The following STK24 variants were observed in gnomAD, a reference collection of about 807,000 sequenced individuals.
STK24 encodes the protein serine/threonine-protein kinase 24.
STK24 carries 21 observed loss-of-function variants against 55.6 expected under a neutral mutation model. That is an observed-to-expected ratio of 0.38 (90% confidence interval 0.27 to 0.54). The LOEUF (loss-of-function observed/expected upper bound fraction) is 0.54, where lower values mean the gene tolerates loss of function less well. Ranked by LOEUF, STK24 falls within the 20% of genes least tolerant of loss-of-function variation. The pLI is 0.79. For missense variants in STK24, 383 were observed against 538.4 expected (o/e 0.71, Z 2.86); for synonymous variants, 200 against 215.2 (o/e 0.93, Z 0.62).
At chr13:98,462,379 G>A (rs543415745) in intron 7 of STK24, among the ~76,000 whole-genome samples, 1 of 152,158 alleles carries the variant, frequency 6.6e-6, no homozygotes, top group East Asian at 1.9e-4. Flanking sequence ...TCGCTCCAAA[G>A]CCCACCCGTG....
intron 1 of STK24, among the ~76,000 whole-genome samples, chr13:98,550,308 G>C (rs917933403): frequency 2.0e-5 from 3 of 152,208 alleles, no homozygotes; most frequent in Non-Finnish European, 2.9e-5. Context: ...GGAGGTCAAG[G>C]GGGGAAGATC....
At chr13:98,453,496 C>T (rs79507189) in intron 10 of STK24, 7,777 of 380,404 alleles carry the variant, frequency 0.02, 116 homozygotes, top group Non-Finnish European at 0.028. Context: ...CTTTTACTTA[C>T]GATCAATTGT....
At chr13:98,539,914 G>A (rs145467896) in intron 1 of STK24, among the ~76,000 whole-genome samples, 2,488 of 152,240 alleles carry the variant, frequency 0.016, 38 homozygotes, top group South Asian at 0.081. Context: ...CACACACACA[G>A]ATGTTCACAG....
intron 1 of STK24, among the ~76,000 whole-genome samples, chr13:98,555,588 A>G (rs565466560): frequency 1.3e-5 from 2 of 152,084 alleles, no homozygotes; most frequent in East Asian, 3.9e-4. Context: ...CAATAAAAAA[A>G]ATATATAAAT....
intron 1 of STK24, among the ~76,000 whole-genome samples, chr13:98,554,234 A>G (rs562734402): frequency 6.6e-6 from 1 of 152,052 alleles, no homozygotes; most frequent in South Asian, 2.1e-4. Context: ...AAAAATAACA[A>G]CAAACGTCCT....
chr13:98,478,363 A>G (rs567208686), intron 3 of STK24, among the ~76,000 whole-genome samples: 15 of 152,164 alleles, frequency 9.9e-5, no homozygotes, highest in Non-Finnish European at 2.1e-4. Context: ...CATTTCCCAG[A>G]CTCTGAGCAG....
At chr13:98,483,732 C>T (rs1025537566) in intron 2 of STK24, among the ~76,000 whole-genome samples, 2 of 152,196 alleles carry the variant, frequency 1.3e-5, no homozygotes, top group African/African-American at 2.4e-5. Flanking sequence ...TCAGGGACAG[C>T]GCTGGTGTGC....
At chr13:98,520,876 A>C (rs1896237257) in intron 1 of STK24, among the ~76,000 whole-genome samples, 1 of 152,274 alleles carries the variant, frequency 6.6e-6, no homozygotes, top group Non-Finnish European at 1.5e-5. Context: ...TCCTGCACAC[A>C]GGGGCGCAGA....
intron 2 of STK24, among the ~76,000 whole-genome samples, chr13:98,502,200 T>C (rs1895495194): frequency 3.3e-5 from 5 of 152,154 alleles, no homozygotes; most frequent in Admixed American, 3.3e-4. Context: ...TTTGTCTCTC[T>C]CCCTCACTAC....
At position 98,448,435 on chromosome 13, in the gene STK24, A is replaced by C. The variant is rs926412869; in HGVS notation, c.*4738T>G. 3.6e-6 allele frequency: 3 copies of C among 842,482 alleles called. No homozygotes were observed. Among genetic ancestry groups the C allele is most frequent in the African/African-American group, 3.3e-5 (2 of 59,818 alleles). The allele number at this position is 842,482 out of a possible 1,614,324, so 52.2% of individuals were successfully genotyped here. A position where few individuals can be genotyped will look rare whatever the true frequency, so the allele number is the denominator to read the frequency against. On this transcript the variant is annotated 3_prime_UTR_variant, in exon 11 of 11. Transcript: ENST00000539966. Reference sequence around the variant, plus strand: ...CTGAAAATCAAAAACATGGCTTCCCAGCAGCTCTCCTGTCTCCACAGCCGC... The same window carrying C: ...CTGAAAATCAAAAACATGGCTTCCCCGCAGCTCTCCTGTCTCCACAGCCGC...
chr13:98,521,948 G>T, intron 1 of STK24: 2 of 1,294,810 alleles, frequency 1.5e-6, no homozygotes, highest in Non-Finnish European at 2.2e-6. Context: ...TTGGCAACAT[G>T]CTCCAGTTTC....
chr13:98,475,386 T>C (rs1420497564), intron 3 of STK24, 28 bp from the exon 4 acceptor site: 1 of 1,470,090 alleles, frequency 6.8e-7, no homozygotes, highest in Non-Finnish European at 9.4e-7. Flanking sequence ...TTCTTAAAGT[T>C]ACTTAAATGA....
intron 1 of STK24, among the ~76,000 whole-genome samples, chr13:98,572,220 G>A (rs1428533726): frequency 1.3e-5 from 2 of 152,086 alleles, no homozygotes; most frequent in South Asian, 2.1e-4. Context: ...TGCCTCCAAC[G>A]ACTCCGGGCA....
chr13:98,556,710 A>G (rs369388778), intron 1 of STK24, among the ~76,000 whole-genome samples: 5 of 152,298 alleles, frequency 3.3e-5, no homozygotes, highest in South Asian at 2.1e-4. Context: ...TAACTCACCT[A>G]GAGGCTTCTA....
chr13:98,490,467 G>A (rs1894978314), intron 2 of STK24, among the ~76,000 whole-genome samples: 2 of 152,102 alleles, frequency 1.3e-5, no homozygotes, highest in African/African-American at 4.8e-5. Flanking sequence ...ATTACATCCT[G>A]TGGGTCACTC....
At chr13:98,453,521 T>C (rs1893300289) in intron 10 of STK24, 1 of 333,646 alleles carries the variant, frequency 3.0e-6, no homozygotes, top group Non-Finnish European at 5.5e-6. Flanking sequence ...AAGTGAACAT[T>C]GATCCATACA....
At chr13:98,557,915 G>A (rs546119615) in intron 1 of STK24, among the ~76,000 whole-genome samples, 2 of 152,188 alleles carry the variant, frequency 1.3e-5, no homozygotes, top group South Asian at 4.1e-4. Context: ...AATCTGTCTG[G>A]ATGCCCTCTG....
Position 98,445,191 on chromosome 13 carries a change from G to T in STK24, c.*7982C>A, listed in dbSNP as rs1415959492. The T allele has an allele frequency of 6.6e-6, 1 of 152,276 alleles. No individual in the cohort carries two copies. The highest frequency in any genetic ancestry group is 2.4e-5 in the African/African-American group (1 of 41,474). 9.4% of individuals were successfully genotyped at this position (152,276 alleles called of 1,614,324 possible). A position where few individuals can be genotyped will look rare whatever the true frequency, so the allele number is the denominator to read the frequency against. ...GAGATGGAATGAGGCAGACTCGGAG[G>T]TCTGTATTTTTTATTGTGGTAAAAT... On this transcript the variant is annotated 3_prime_UTR_variant, in exon 11 of 11. Transcript: ENST00000539966.
At chr13:98,563,156 G>A (rs1004454171) in intron 1 of STK24, among the ~76,000 whole-genome samples, 2 of 152,034 alleles carry the variant, frequency 1.3e-5, no homozygotes, top group African/African-American at 2.4e-5. Flanking sequence ...TAAACTATGT[G>A]ATCACTTTAT....
Sources: allele counts gnomAD v4.1 joint callset (sites outside exome capture counted in the v4.1 genomes callset), GRCh38; gene constraint gnomAD v4.1.1; transcripts MANE v1.5; gene names NCBI Gene and HGNC (gene_info 2026-07-23, HGNC 2026-07-21).